ELAVL2: variants seen among roughly 807,000 people sequenced by gnomAD.
The protein encoded by ELAVL2 is ELAV-like protein 2.
In ELAVL2, 4 loss-of-function variants were observed where a neutral mutation model predicts 34.6. The ratio of observed to expected loss-of-function variants is 0.12; its 90% CI spans 0.06 to 0.26. The LOEUF (loss-of-function observed/expected upper bound fraction) is 0.26, where lower values mean the gene tolerates loss of function less well. ELAVL2 is among the 10% of genes least tolerant of loss of function. The pLI is 1.00. For synonymous variants in ELAVL2, 193 were observed against 154.8 expected, an observed-to-expected ratio of 1.25 and a Z score of -1.83; for missense variants, 432 against 442.8, an observed-to-expected ratio of 0.98 and a Z score of 0.22.
chr9:23,779,910 G>A (rs1254250585), intron 1 of ELAVL2, among the ~76,000 whole-genome samples: 1 of 140,510 alleles, frequency 7.1e-6, no homozygotes, highest in Non-Finnish European at 1.5e-5. Flanking sequence ...AACCTTTAAG[G>A]TTGCAGAGTA....
rs182887002 is a variant in ELAVL2, at chr9:23,785,914, A to G, written c.-15-23665T>C. ...ACATTCCCAAAGAATAGATTGTAAA[A>G]TAAGTAAGAATCCCAGACTTTTCGG... On this transcript the variant is annotated intron_variant, in intron 1 of 6. Transcript: ENST00000397312. 2.3e-3 allele frequency among the ~76,000 whole-genome samples: 344 copies of G among 152,324 alleles called. 5 individuals carry two copies. The highest frequency in any genetic ancestry group is 0.018 in the South Asian group (87 of 4,832).
chr9:23,740,318 A>G (rs989592663), intron 2 of ELAVL2, among the ~76,000 whole-genome samples: 25 of 152,348 alleles, frequency 1.6e-4, no homozygotes, highest in Admixed American at 4.6e-4. Context: ...ATACATCTGT[A>G]TCCATTTTAC....
intron 4 of ELAVL2, among the ~76,000 whole-genome samples, chr9:23,703,864 T>G (rs556248258): frequency 2.6e-4 from 39 of 152,294 alleles, no homozygotes; most frequent in Admixed American, 2.4e-3. Context: ...TAATATTTCC[T>G]CCTCACAATG....
the ELAVL2 span, among the ~76,000 whole-genome samples, chr9:23,837,025 G>A: frequency 1.3e-5 from 2 of 152,186 alleles, no homozygotes; most frequent in African/African-American, 4.8e-5. Flanking sequence ...GGCAGGGTCA[G>A]ACTATAATAT....
chr9:23,730,234 T>C (rs16907658), intron 3 of ELAVL2, among the ~76,000 whole-genome samples: 7,927 of 152,218 alleles, frequency 0.052, 350 homozygotes, highest in East Asian at 0.22. Flanking sequence ...TGAATTAGAT[T>C]AGCTCCCTCT....
intron 1 of ELAVL2, among the ~76,000 whole-genome samples, chr9:23,796,134 T>C (rs1184908415): frequency 6.6e-6 from 1 of 152,162 alleles, no homozygotes; most frequent in African/African-American, 2.4e-5. Flanking sequence ...AAAAGACAAA[T>C]GATGAACTTT....
At chr9:23,742,109 C>T (rs1006647415) in intron 2 of ELAVL2, among the ~76,000 whole-genome samples, 1 of 152,152 alleles carries the variant, frequency 6.6e-6, no homozygotes, top group South Asian at 2.1e-4. Context: ...TAATACAACA[C>T]ACCAACTCAG....
chr9:23,732,881 C>A (rs1481459100), intron 2 of ELAVL2, among the ~76,000 whole-genome samples: 1 of 151,918 alleles, frequency 6.6e-6, no homozygotes, highest in Non-Finnish European at 1.5e-5. Context: ...GAAAGTGGAT[C>A]GTCACCCTAG....
At chr9:23,753,159 T>C (rs1441254218) in intron 2 of ELAVL2, among the ~76,000 whole-genome samples, 1 of 152,140 alleles carries the variant, frequency 6.6e-6, no homozygotes, top group Admixed American at 6.5e-5. Context: ...GACACTCAAA[T>C]AAAATGCCAG....
chr9:23,701,432 C>T lies in ELAVL2; in HGVS notation c.660G>A (p.Gln220=). The change falls in exon 5 of 7, where the codon CAG becomes CAA. Residue 220 remains glutamine, a synonymous_variant. Coordinates refer to ENST00000397312, the MANE Select transcript of ELAVL2 (RefSeq NM_004432.5). The part of the protein sequence containing the change: ...TNQAILSQLY[Q]SPNRRYPGPL... ...GTCCTGGATACCTTCTGTTTGGAGA[C>T]TGGTACAGCTGGGAAAGGATGGCCT... The T allele has an allele frequency of 6.2e-7, 1 of 1,614,084 alleles. No individual in the cohort carries two copies. The highest frequency in any genetic ancestry group is 8.5e-7 in the Non-Finnish European group (1 of 1,179,988).
intron 1 of ELAVL2, among the ~76,000 whole-genome samples, chr9:23,794,783 G>A (rs966734805): frequency 9.2e-5 from 14 of 152,200 alleles, no homozygotes; most frequent in African/African-American, 3.1e-4. Context: ...CCTACAATCT[G>A]GGAAGATTTC....
chr9:23,786,065 T>C (rs986001543), intron 1 of ELAVL2, among the ~76,000 whole-genome samples: 2 of 152,202 alleles, frequency 1.3e-5, no homozygotes, highest in Non-Finnish European at 2.9e-5. Flanking sequence ...GAGAGACTTC[T>C]AAGTCTATCC....
intron 1 of ELAVL2, among the ~76,000 whole-genome samples, chr9:23,766,726 A>G (rs954525198): frequency 2.6e-5 from 4 of 152,156 alleles, no homozygotes; most frequent in Non-Finnish European, 5.9e-5. Flanking sequence ...GAAGTTATAA[A>G]TAAGTTGCTC....
chr9:23,780,013 AAAAAAAAAAAAAAAAAAAAAAC>A (rs2058835834), intron 1 of ELAVL2, among the ~76,000 whole-genome samples: 8 of 107,930 alleles, frequency 7.4e-5, no homozygotes, highest in African/African-American at 3.8e-4. Flanking sequence ...AAAAAAAAAA[AAAAAAAAAAAAAAAAAAAAAAC>A]TTCATGAACT....
chr9:23,757,588 C>A (rs77684616), intron 2 of ELAVL2, among the ~76,000 whole-genome samples: 6,669 of 151,514 alleles, frequency 0.044, 207 homozygotes, highest in Middle Eastern at 0.14. Context: ...AATGCAGCAT[C>A]AGCAGGTGTC....
At chr9:23,776,565 G>T (rs1419484201) in intron 1 of ELAVL2, among the ~76,000 whole-genome samples, 1 of 152,030 alleles carries the variant, frequency 6.6e-6, no homozygotes, top group African/African-American at 2.4e-5. Context: ...CAGATGCTGG[G>T]AAAACAAAGA....
intron 1 of ELAVL2, among the ~76,000 whole-genome samples, chr9:23,825,074 A>G (rs1026563355): frequency 1.3e-5 from 2 of 152,166 alleles, no homozygotes; most frequent in African/African-American, 4.8e-5. Context: ...TTTCTGAACA[A>G]AGGGAATCTC....
chr9:23,777,644 T>A (rs1010894996), intron 1 of ELAVL2, among the ~76,000 whole-genome samples: 1 of 152,126 alleles, frequency 6.6e-6, no homozygotes, highest in Non-Finnish European at 1.5e-5. Context: ...GGGGGTATCA[T>A]GAGGTAGAAG....
chr9:23,839,110 A>T, the ELAVL2 span, among the ~76,000 whole-genome samples: 1 of 152,288 alleles, frequency 6.6e-6, no homozygotes, highest in Admixed American at 6.5e-5. Context: ...AGTATTATTT[A>T]TCTTATTAGA....
Sources: gnomAD v4.1 joint callset for allele counts (sites outside exome capture counted in the v4.1 genomes callset) on GRCh38, gnomAD v4.1.1 for gene constraint, MANE v1.5 for transcripts, NCBI Gene and HGNC (gene_info 2026-07-23, HGNC 2026-07-21) for gene names.